CYP4X1: variants seen among roughly 807,000 people sequenced by gnomAD.
CYP4X1 encodes cytochrome P450 family 4 subfamily X member 1.
CYP4X1 carries 44 observed loss-of-function variants against 57.9 expected under a neutral mutation model. That is an observed-to-expected ratio of 0.76 (90% confidence interval 0.60 to 0.98). The LOEUF (loss-of-function observed/expected upper bound fraction) is 0.98, where lower values mean the gene tolerates loss of function less well. CYP4X1 is among the 50% of genes least tolerant of loss of function. The pLI is 0.00. For missense variants in CYP4X1, 532 were observed against 623.9 expected (o/e 0.85, Z 1.57); for synonymous variants, 227 against 228.6 (o/e 0.99, Z 0.06).
the CYP4X1 span, among the ~76,000 whole-genome samples, chr1:46,987,616 T>C: frequency 2.0e-5 from 3 of 152,162 alleles, no homozygotes; most frequent in African/African-American, 4.8e-5. Flanking sequence ...TATTCTAAAA[T>C]TGACCACATA....
the CYP4X1 span, among the ~76,000 whole-genome samples, chr1:46,968,519 C>T: frequency 6.6e-6 from 1 of 152,220 alleles, no homozygotes; most frequent in South Asian, 2.1e-4. Context: ...CCTTCCACCA[C>T]TGCCTGTAAC....
chr1:47,041,288 A>C (rs901634212), intron 8 of CYP4X1, among the ~76,000 whole-genome samples: 4 of 152,068 alleles, frequency 2.6e-5, no homozygotes, highest in Non-Finnish European at 5.9e-5. Context: ...CACTGATTTC[A>C]TTTCGTTTGG....
chr1:47,008,932 A>T, the CYP4X1 span, among the ~76,000 whole-genome samples: 1 of 152,206 alleles, frequency 6.6e-6, no homozygotes, highest in Non-Finnish European at 1.5e-5. Context: ...AAGTCCTTAG[A>T]GACCTACAAA....
At chr1:47,034,363 T>A (rs998649182) in intron 4 of CYP4X1, among the ~76,000 whole-genome samples, 2 of 152,236 alleles carry the variant, frequency 1.3e-5, no homozygotes. Flanking sequence ...GAGTGGTCTC[T>A]GATTTATAAA....
chr1:47,044,080 G>A (rs1263271297), intron 8 of CYP4X1, among the ~76,000 whole-genome samples: 1 of 152,058 alleles, frequency 6.6e-6, no homozygotes, highest in African/African-American at 2.4e-5. Flanking sequence ...TAATTCATTT[G>A]TATTCAAGGT....
chr1:46,975,954 T>C, the CYP4X1 span, among the ~76,000 whole-genome samples: 1 of 152,158 alleles, frequency 6.6e-6, no homozygotes, highest in African/African-American at 2.4e-5. Flanking sequence ...ATTCTGCTGT[T>C]GATAATTCCA....
chr1:47,032,034 C>T (rs1316586418), intron 3 of CYP4X1, among the ~76,000 whole-genome samples: 7 of 151,588 alleles, frequency 4.6e-5, no homozygotes, highest in African/African-American at 1.7e-4. Context: ...CAGAGCAAAA[C>T]TCTGTCCGCA....
At chr1:47,051,687 A>G (rs1557613970), downstream of CYP4X1, among the ~76,000 whole-genome samples, 1 of 151,936 alleles carries the variant, frequency 6.6e-6, no homozygotes, top group Non-Finnish European at 1.5e-5. Context: ...TTGGAGACAA[A>G]CACCCACGTC....
intron 2 of CYP4X1, among the ~76,000 whole-genome samples, chr1:47,031,232 T>C (rs942086146): frequency 1.3e-5 from 2 of 152,242 alleles, no homozygotes; most frequent in Non-Finnish European, 2.9e-5. Flanking sequence ...GTCTGCCTCA[T>C]AGGGCTTGCT....
At chr1:46,961,533 T>G in the CYP4X1 span, 2 of 1,201,328 alleles carry the variant, frequency 1.7e-6, no homozygotes, top group Non-Finnish European at 2.1e-6. Flanking sequence ...GCCACAGGGG[T>G]GAGGTGTTCT....
chr1:46,978,891 A>C, the CYP4X1 span, among the ~76,000 whole-genome samples: 6 of 152,230 alleles, frequency 3.9e-5, no homozygotes, highest in Non-Finnish European at 8.8e-5. Flanking sequence ...TACATAACGA[A>C]ATGAAGGCAG....
chr1:47,002,400 C>T, the CYP4X1 span, among the ~76,000 whole-genome samples: 5 of 152,154 alleles, frequency 3.3e-5, no homozygotes, highest in Non-Finnish European at 1.5e-5. Flanking sequence ...CTCTCCTGTC[C>T]TCTAGTGGCA....
chr1:46,974,613 C>T, the CYP4X1 span, among the ~76,000 whole-genome samples: 1 of 151,980 alleles, frequency 6.6e-6, no homozygotes, highest in Non-Finnish European at 1.5e-5. Flanking sequence ...TATAGGTGCT[C>T]TAGTGTTGGG....
chr1:47,052,759 A>G (rs1360756767), downstream of CYP4X1, among the ~76,000 whole-genome samples: 1 of 151,426 alleles, frequency 6.6e-6, no homozygotes, highest in Non-Finnish European at 1.5e-5. Flanking sequence ...CAGTTCTTGA[A>G]TAAAAATGTT....
At chr1:46,977,162 A>C in the CYP4X1 span, among the ~76,000 whole-genome samples, 1 of 152,134 alleles carries the variant, frequency 6.6e-6, no homozygotes, top group Non-Finnish European at 1.5e-5. Flanking sequence ...GAAGGTCAGT[A>C]ATAACAAACT....
chr1:47,012,747 T>G, the CYP4X1 span, among the ~76,000 whole-genome samples: 2 of 152,208 alleles, frequency 1.3e-5, no homozygotes, highest in Non-Finnish European at 1.5e-5. Flanking sequence ...TGCCCTGTAT[T>G]TCACAGAGTG....
intron 4 of CYP4X1, among the ~76,000 whole-genome samples, chr1:47,035,484 T>A (rs1378666216): frequency 6.6e-6 from 1 of 152,226 alleles, no homozygotes; most frequent in African/African-American, 2.4e-5. Context: ...ATTATGGGTC[T>A]TGTGTCAATG....
rs201456444 is a variant in CYP4X1, at chr1:47,048,587, T to G, written c.1230T>G (p.Ile410Met). Residue 410 changes from isoleucine (I) to methionine (M), a missense_variant, in exon 10 of 12, where the codon ATT becomes ATG. Physicochemically the swap from Ile to Met is conservative, Grantham distance 10. Transcript: ENST00000371901. ...LPAGITVVLSIWGLHHNPAVW... is the reference protein window; with the variant it reads ...LPAGITVVLSMWGLHHNPAVW... ...TAGGGATCACCGTGGTTCTTAGTAT[T>G]TGGGGTCTTCACCACAACCCTGCTG... The G allele has an allele frequency of 3.7e-6, 6 of 1,614,046 alleles. No homozygotes were observed. Among genetic ancestry groups the G allele is most frequent in the Middle Eastern group, 3.3e-4 (2 of 6,084 alleles).
intron 6 of CYP4X1, among the ~76,000 whole-genome samples, chr1:47,038,136 C>A (rs934242914): frequency 1.3e-5 from 2 of 152,112 alleles, no homozygotes; most frequent in Non-Finnish European, 2.9e-5. Flanking sequence ...CAGAAAAATT[C>A]AGCAGAAAGT....
Sources: gnomAD v4.1 joint callset for allele counts (sites outside exome capture counted in the v4.1 genomes callset) on GRCh38, gnomAD v4.1.1 for gene constraint, MANE v1.5 for transcripts, NCBI Gene and HGNC (gene_info 2026-07-23, HGNC 2026-07-21) for gene names.